Variants in GRHL2 observed in about 807,000 individuals in gnomAD.
GRHL2 encodes grainyhead like transcription factor 2.
GRHL2 carries 21 observed loss-of-function variants against 83.8 expected under a neutral mutation model. That is an observed-to-expected ratio of 0.25 (90% CI 0.18 to 0.36). GRHL2 has a LOEUF of 0.36. Among genes scored for constraint, GRHL2 ranks in the 10% least tolerant of loss-of-function variants. The probability of loss-of-function intolerance (pLI) is 1.00; values close to 1 mark genes in which losing one functional copy is unlikely to be tolerated. For missense variants in GRHL2, 623 were observed against 781.8 expected, an observed-to-expected ratio of 0.80 and a Z score of 2.42; for synonymous variants, 280 against 278.9, an observed-to-expected ratio of 1.00 and a Z score of -0.04.
intron 8 of GRHL2, among the ~76,000 whole-genome samples, chr8:101,599,600 G>T (rs919127404): frequency 1.3e-5 from 2 of 152,194 alleles, no homozygotes; most frequent in Non-Finnish European, 2.9e-5. Context: ...CAGGCTGCAG[G>T]TCCCTGAGCT....
At chr8:101,652,720 G>A (rs1253323384) in intron 14 of GRHL2, among the ~76,000 whole-genome samples, 4 of 152,046 alleles carry the variant, frequency 2.6e-5, no homozygotes, top group Middle Eastern at 3.4e-3. Flanking sequence ...TTGCTAGCTG[G>A]ACAAGTTTCT....
chr8:101,625,840 ATGTC>A (rs1191058015), intron 9 of GRHL2, among the ~76,000 whole-genome samples: 1 of 152,020 alleles, frequency 6.6e-6, no homozygotes, highest in African/African-American at 2.4e-5. Context: ...GTGAGTAGTG[ATGTC>A]AAGAGGTTCT....
intron 5 of GRHL2, among the ~76,000 whole-genome samples, chr8:101,573,044 G>A (rs762506378): frequency 6.6e-6 from 1 of 152,180 alleles, no homozygotes; most frequent in Non-Finnish European, 1.5e-5. Context: ...TGGCCTATGG[G>A]CCATCATTTG....
intron 1 of GRHL2, among the ~76,000 whole-genome samples, chr8:101,505,172 C>T (rs1382607858): frequency 2.0e-5 from 3 of 152,130 alleles, no homozygotes; most frequent in African/African-American, 7.2e-5. Context: ...CTCTCCCACT[C>T]CCAACTGGCC....
intron 1 of GRHL2, among the ~76,000 whole-genome samples, chr8:101,506,149 A>G (rs887813276): frequency 1.3e-5 from 2 of 152,224 alleles, no homozygotes; most frequent in African/African-American, 4.8e-5. Flanking sequence ...TTTGTGAATG[A>G]CCTGCCTCCT....
rs927728520 is a variant in GRHL2, at chr8:101,608,984, T to G, written c.1098+9833T>G. Among the ~76,000 whole-genome samples, 27 of 150,540 alleles carry G rather than the reference T, an allele frequency of 1.8e-4. 2 individuals are homozygous for G. Among genetic ancestry groups the G allele is most frequent in the African/African-American group, 6.7e-4 (27 of 40,108 alleles). Reference sequence around the variant, plus strand: ...TGGAAAGCACAAGGAGAGAGGGCACTGTGCCACTCAGGAGAGTGTGACACT... The same window carrying G: ...TGGAAAGCACAAGGAGAGAGGGCACGGTGCCACTCAGGAGAGTGTGACACT... On this transcript the variant is annotated intron_variant, in intron 8 of 15. Coordinates refer to ENST00000646743, the MANE Select transcript of GRHL2 (RefSeq NM_024915.4).
intron 3 of GRHL2, among the ~76,000 whole-genome samples, chr8:101,557,926 G>A (rs747259626): frequency 3.9e-5 from 6 of 152,072 alleles, no homozygotes; most frequent in East Asian, 1.9e-4. Context: ...GTGCAATGGC[G>A]CCATCTCGAC....
intron 7 of GRHL2, among the ~76,000 whole-genome samples, chr8:101,580,149 C>A (rs1288237986): frequency 6.6e-6 from 1 of 152,012 alleles, no homozygotes; most frequent in Non-Finnish European, 1.5e-5. Context: ...GGCCCCTTAG[C>A]TAAAGCAAGG....
chr8:101,651,182 A>G (rs16868133), intron 14 of GRHL2, among the ~76,000 whole-genome samples: 15,975 of 152,286 alleles, frequency 0.1, 844 homozygotes, highest in Middle Eastern at 0.14. Flanking sequence ...AAGCTCATAA[A>G]ATATTCAGAC....
chr8:101,601,208 ACC>A (rs1491178909), intron 8 of GRHL2, among the ~76,000 whole-genome samples: 39 of 151,630 alleles, frequency 2.6e-4, no homozygotes, highest in South Asian at 1.0e-3. Flanking sequence ...CACCACCACC[ACC>A]ACCACCAACA....
At chr8:101,499,120 A>G (rs1810170507) in intron 1 of GRHL2, among the ~76,000 whole-genome samples, 1 of 152,120 alleles carries the variant, frequency 6.6e-6, no homozygotes, top group Non-Finnish European at 1.5e-5. Context: ...ACACAGAAGC[A>G]TTTAAACAAC....
At chr8:101,645,116 ATTTTTTTTTT>A (rs553249046) in intron 13 of GRHL2, among the ~76,000 whole-genome samples, 50 of 117,340 alleles carry the variant, frequency 4.3e-4, no homozygotes, top group African/African-American at 1.5e-3. Flanking sequence ...GCAGTACAGA[ATTTTTTTTTT>A]TTTTTTTTTT....
Position 101,669,266 on chromosome 8 carries a change from T to TTTTTTTTTTTTTTA in GRHL2, c.*2563_*2564insTTTTTTTTTTTTTA, listed in dbSNP as rs1554599109. 9.3e-5 allele frequency: 14 copies of TTTTTTTTTTTTTTA among 150,772 alleles called. No individual in the cohort carries two copies. Among genetic ancestry groups the TTTTTTTTTTTTTTA allele is most frequent in the East Asian group, 5.8e-4 (3 of 5,192 alleles). 9.3% of individuals were successfully genotyped at this position (150,772 alleles called of 1,614,324 possible). On this transcript the variant is annotated 3_prime_UTR_variant, in exon 16 of 16. Transcript: ENST00000646743. ...TGAGCATTTTTTTCTTTTTTTTTTT[T>TTTTTTTTTTTTTTA]AACAAAGTCTGAACTGAACAGAACA...
chr8:101,678,576 C>T, the GRHL2 span, among the ~76,000 whole-genome samples: 1 of 151,868 alleles, frequency 6.6e-6, no homozygotes, highest in South Asian at 2.1e-4. Flanking sequence ...GGGTGGAGCC[C>T]ACCACAGCTC....
At chr8:101,543,930 C>A (rs553285499) in intron 2 of GRHL2, 222 of 183,646 alleles carry the variant, frequency 1.2e-3, no homozygotes, top group Non-Finnish European at 2.2e-3. Context: ...CCTTACACGG[C>A]AGTGGAAACA....
chr8:101,507,259 G>A (rs576741541), intron 1 of GRHL2, among the ~76,000 whole-genome samples: 27 of 152,260 alleles, frequency 1.8e-4, no homozygotes, highest in Non-Finnish European at 2.9e-4. Flanking sequence ...ATGTTCAGAG[G>A]TTTAAATTTT....
intron 1 of GRHL2, among the ~76,000 whole-genome samples, chr8:101,528,245 T>A (rs931955822): frequency 6.6e-6 from 1 of 152,226 alleles, no homozygotes; most frequent in Non-Finnish European, 1.5e-5. Flanking sequence ...GTTTAAAAAC[T>A]GGACAATGCT....
chr8:101,613,499 T>C (rs1182900627), intron 8 of GRHL2, among the ~76,000 whole-genome samples: 3 of 150,866 alleles, frequency 2.0e-5, no homozygotes, highest in African/African-American at 7.4e-5. Context: ...AGATATTAAA[T>C]CACTATTTGA....
chr8:101,575,352 A>G (rs902141943), intron 6 of GRHL2, among the ~76,000 whole-genome samples: 5 of 152,220 alleles, frequency 3.3e-5, no homozygotes, highest in African/African-American at 1.2e-4. Flanking sequence ...GGACTTTCCC[A>G]AGAATTCTAC....
Sources: allele counts gnomAD v4.1 joint callset (sites outside exome capture counted in the v4.1 genomes callset), GRCh38; gene constraint gnomAD v4.1.1; transcripts MANE v1.5; gene names NCBI Gene and HGNC (gene_info 2026-07-23, HGNC 2026-07-21).